Variants in SRSF11 observed in about 807,000 individuals in gnomAD.
The protein encoded by SRSF11 is serine/arginine-rich splicing factor 11.
Under a neutral mutation model 56.0 loss-of-function variants are expected in SRSF11, and 9 were observed. That is an observed-to-expected ratio of 0.16 (90% CI 0.10 to 0.28). The LOEUF (loss-of-function observed/expected upper bound fraction) is 0.28, where lower values mean the gene tolerates loss of function less well. Ranked by LOEUF, SRSF11 falls within the 10% of genes least tolerant of loss-of-function variation. SRSF11 has a pLI of 1.00. For synonymous variants in SRSF11, 222 were observed against 215.3 expected, an observed-to-expected ratio of 1.03 and a Z score of -0.27; for missense variants, 421 against 600.7, an observed-to-expected ratio of 0.70 and a Z score of 3.13.
intron 1 of SRSF11, 136 bp downstream of exon 1, chr1:70,221,975 A>G: frequency 1.4e-6 from 2 of 1,436,422 alleles, no homozygotes; most frequent in Non-Finnish European, 1.8e-6. Flanking sequence ...GGATTTACTT[A>G]AGACGGTTGT....
At chr1:70,215,247 G>C (rs942375530) in intron 1 of SRSF11, among the ~76,000 whole-genome samples, 1 of 151,950 alleles carries the variant, frequency 6.6e-6, no homozygotes, top group Non-Finnish European at 1.5e-5. Context: ...TATTTCCTAG[G>C]TTCTTCTCAT....
In SRSF11 at chr1:70,251,466, C is replaced by G. The variant is rs1677939144; in HGVS notation, c.*661C>G. On this transcript the variant is annotated 3_prime_UTR_variant, in exon 12 of 12. Coordinates refer to ENST00000370949, the MANE Select transcript of SRSF11 (RefSeq NM_001350605.2). ...GAAACAAGATTTCAAATAAAACTGT[C>G]TTTGGCAGTGAGTAAATAGCATATT... is the stretch of plus-strand genomic sequence containing the variant. 6.6e-6 allele frequency: 1 copy of G among 152,504 alleles called. No individual in the cohort carries two copies. The highest frequency in any genetic ancestry group is 6.6e-5 in the Admixed American group (1 of 15,266). 9.4% of individuals were successfully genotyped at this position (152,504 alleles called of 1,614,324 possible). A position where few individuals can be genotyped will look rare whatever the true frequency, so the allele number is the denominator to read the frequency against.
At chr1:70,235,681 T>C in intron 5 of SRSF11, 131 bp downstream of exon 5, 2 of 832,318 alleles carry the variant, frequency 2.4e-6, no homozygotes, top group Admixed American at 5.8e-5. Context: ...TATTGTTACC[T>C]AGAAACAAGG....
In SRSF11 at chr1:70,228,427, C is replaced by T; in HGVS notation, c.209C>T (p.Ser70Leu). Residue 70 changes from serine to leucine, a missense_variant, in exon 2 of 12, where the codon TCG becomes TTG. Around this residue, in one of 2 missense-constraint regions of SRSF11, gnomAD observed 168 missense variants for 294.9 expected, o/e 0.57. Transcript: ENST00000370949. ...GTTATTTGTTTATTTTTTAGTGATT[C>T]GCCTTTGCCAGTCTCATCTCGTGTC... ...DELRLFPPDD[S>L]PLPVSSRVCF... 6.2e-7 allele frequency: 1 copy of T among 1,603,734 alleles called. No individual in the cohort carries two copies. Among genetic ancestry groups the T allele is most frequent in the Non-Finnish European group, 8.5e-7 (1 of 1,175,008 alleles).
upstream of SRSF11, among the ~76,000 whole-genome samples, chr1:70,218,090 G>A (rs561307533): frequency 5.5e-4 from 84 of 152,060 alleles, no homozygotes; most frequent in Non-Finnish European, 1.0e-3. Flanking sequence ...TCAGCCTCCC[G>A]AGTAGCTGGC....
At chr1:70,227,195 A>G (rs769329536) in intron 1 of SRSF11, among the ~76,000 whole-genome samples, 8 of 152,202 alleles carry the variant, frequency 5.3e-5, no homozygotes, top group Admixed American at 2.6e-4. Context: ...CTTTTCAACA[A>G]TGAATCTGAA....
intron 1 of SRSF11, among the ~76,000 whole-genome samples, chr1:70,208,865 T>C (rs999439002): frequency 1.3e-5 from 2 of 152,326 alleles, no homozygotes; most frequent in African/African-American, 4.8e-5. Context: ...ATTCTAACTC[T>C]TTTTCAACAC....
At chr1:70,249,074 T>C (rs1677392415) in intron 9 of SRSF11, 1 of 152,036 alleles carries the variant, frequency 6.6e-6, no homozygotes, top group South Asian at 2.1e-4. Flanking sequence ...TTTTTTTAAG[T>C]TACAGTAAAA....
At chr1:70,222,275 T>C (rs1052318003) in intron 1 of SRSF11, among the ~76,000 whole-genome samples, 43 of 152,378 alleles carry the variant, frequency 2.8e-4, no homozygotes, top group African/African-American at 8.7e-4. Flanking sequence ...TGTTCACTTA[T>C]TGTTATTGCT....
At chr1:70,210,526 A>G (rs1014448972) in intron 1 of SRSF11, among the ~76,000 whole-genome samples, 1 of 152,162 alleles carries the variant, frequency 6.6e-6, no homozygotes, top group Admixed American at 6.5e-5. Flanking sequence ...CAGCCTGGAC[A>G]ATATCTTGAA....
At chr1:70,229,110 T>G in intron 2 of SRSF11, 1 of 1,200,390 alleles carries the variant, frequency 8.3e-7, no homozygotes, top group Non-Finnish European at 1.1e-6. Context: ...CTGGGTGTTT[T>G]ATTTTATGCC....
chr1:70,234,910 T>A, intron 4 of SRSF11, 122 bp downstream of exon 4: 1 of 740,762 alleles, frequency 1.3e-6, no homozygotes, highest in Non-Finnish European at 2.2e-6. Flanking sequence ...TTTTCTTGTT[T>A]AAACTTGTCA....
At chr1:70,214,055 TG>T (rs1316523021) in intron 1 of SRSF11, among the ~76,000 whole-genome samples, 1 of 152,148 alleles carries the variant, frequency 6.6e-6, no homozygotes, top group Non-Finnish European at 1.5e-5. Flanking sequence ...ATTTACTGCA[TG>T]GGGGAAAAAA....
chr1:70,243,930 A>G (rs923425423), intron 7 of SRSF11, among the ~76,000 whole-genome samples: 9 of 152,234 alleles, frequency 5.9e-5, no homozygotes, highest in East Asian at 1.9e-4. Context: ...GAGGATGACA[A>G]CATCTAAAGG....
intron 7 of SRSF11, among the ~76,000 whole-genome samples, chr1:70,244,234 C>T (rs978118210): frequency 1.3e-5 from 2 of 151,948 alleles, no homozygotes; most frequent in African/African-American, 4.8e-5. Context: ...CTTACGAGAC[C>T]AATTTGTAGT....
intron 7 of SRSF11, among the ~76,000 whole-genome samples, chr1:70,240,196 AC>A (rs1443184944): frequency 1.3e-5 from 2 of 152,194 alleles, no homozygotes; most frequent in Non-Finnish European, 2.9e-5. Context: ...ACAGAATATT[AC>A]TCAAGAGACT....
At chr1:70,206,247 C>G (rs1669009843) in intron 1 of SRSF11, among the ~76,000 whole-genome samples, 1 of 152,194 alleles carries the variant, frequency 6.6e-6, no homozygotes, top group African/African-American at 2.4e-5. Flanking sequence ...GCTCAGACAG[C>G]TTGGATTTTT....
exon 1 of SRSF11, chr1:70,205,766 A>T: frequency 2.2e-6 from 1 of 455,930 alleles, no homozygotes; most frequent in South Asian, 4.7e-5. Flanking sequence ...AGCGTCCTGG[A>T]ATTACTTCAA....
intron 1 of SRSF11, among the ~76,000 whole-genome samples, chr1:70,207,134 C>CTTGAG (rs1040825081): frequency 6.6e-5 from 10 of 151,934 alleles, no homozygotes; most frequent in Non-Finnish European, 1.3e-4. Context: ...TCAAGCGATC[C>CTTGAG]GCCCAGTTCG....
Sources: gnomAD v4.1 joint callset for allele counts (sites outside exome capture counted in the v4.1 genomes callset) on GRCh38, gnomAD v4.1.1 for gene constraint, gnomAD v4.1.1 regional missense constraint, MANE v1.5 for transcripts, NCBI Gene and HGNC (gene_info 2026-07-23, HGNC 2026-07-21) for gene names.